Variants in TNNI3K observed in about 807,000 individuals in gnomAD.
The protein encoded by TNNI3K is TNNI3 interacting kinase, also known as serine/threonine-protein kinase TNNI3K.
TNNI3K carries 140 observed loss-of-function variants against 114.5 expected under a neutral mutation model. The ratio of observed to expected loss-of-function variants is 1.22; its 90% CI spans 1.07 to 1.41. The LOEUF is 1.41. TNNI3K is among the 40% of genes most tolerant of loss of function. TNNI3K has a pLI of 0.00. For missense variants in TNNI3K, 1,125 were observed against 1,007.6 expected, an observed-to-expected ratio of 1.12 and a Z score of -1.58; for synonymous variants, 347 against 347.5, an observed-to-expected ratio of 1.00 and a Z score of 0.02.
intron 5 of TNNI3K, among the ~76,000 whole-genome samples, chr1:74,289,061 CAGA>C (rs1657501874): frequency 7.0e-4 from 2 of 2,840 alleles, no homozygotes; most frequent in South Asian, 0.12. Context: ...TGTGGTTAAA[CAGA>C]AAAAAAATAA....
chr1:74,269,682 T>G (rs1441421650), intron 4 of TNNI3K, among the ~76,000 whole-genome samples: 1 of 151,874 alleles, frequency 6.6e-6, no homozygotes, highest in African/African-American at 2.4e-5. Context: ...AGATGACAAG[T>G]CAGCCTGGGA....
intron 4 of TNNI3K, among the ~76,000 whole-genome samples, chr1:74,258,658 C>G (rs938101751): frequency 3.3e-5 from 5 of 152,150 alleles, no homozygotes; most frequent in African/African-American, 1.2e-4. Context: ...TTAACACTTA[C>G]TATTGTCATC....
chr1:74,237,171 C>A (rs1653907016), intron 2 of TNNI3K, among the ~76,000 whole-genome samples: 1 of 151,830 alleles, frequency 6.6e-6, no homozygotes, highest in African/African-American at 2.4e-5. Flanking sequence ...CACAAGTGTT[C>A]AACTTATGGT....
intron 21 of TNNI3K, among the ~76,000 whole-genome samples, chr1:74,465,823 C>T (rs562322592): frequency 8.5e-5 from 13 of 152,298 alleles, no homozygotes; most frequent in Non-Finnish European, 1.6e-4. Context: ...ACACACCAAT[C>T]AGCACCCTGT....
At chr1:74,319,325 CTTG>C (rs1659483215) in intron 5 of TNNI3K, among the ~76,000 whole-genome samples, 1 of 152,186 alleles carries the variant, frequency 6.6e-6, no homozygotes, top group African/African-American at 2.4e-5. Context: ...AAATCATAAT[CTTG>C]TTGTAACCTA....
At chr1:74,531,130 T>C in intron 23 of TNNI3K, among the ~76,000 whole-genome samples, 1 of 152,172 alleles carries the variant, frequency 6.6e-6, no homozygotes, top group Non-Finnish European at 1.5e-5. Flanking sequence ...CATTTGCCAT[T>C]GAAAGAAAAC....
At chr1:74,500,680 T>C (rs1669578666) in intron 23 of TNNI3K, among the ~76,000 whole-genome samples, 1 of 132,178 alleles carries the variant, frequency 7.6e-6, no homozygotes, top group African/African-American at 2.8e-5. Flanking sequence ...CTCACTCTGT[T>C]GGAAGTAAAC....
rs1377499157 is a variant in TNNI3K, at chr1:74,475,176, A to C, written c.2121+11626A>C. On this transcript the variant is annotated intron_variant, in intron 21 of 24. Transcript: ENST00000326637. ...CACACACAGTATTTTTAGAAAAGGA[A>C]TAGACTAGTGCTATAGTGATTTTTA... 71 of 570,634 alleles carry C rather than the reference A, an allele frequency of 1.2e-4. No homozygotes were observed. In the East Asian group the frequency reaches 2.1e-3, roughly 17 times the overall value. 35.3% of individuals were successfully genotyped at this position (570,634 alleles called of 1,614,324 possible). A position where few individuals can be genotyped will look rare whatever the true frequency, so the allele number is the denominator to read the frequency against.
rs545028944 is a variant in TNNI3K at position 74,401,177 on chromosome 1, T to C, written c.1772+30785T>C. 9.8e-5 allele frequency among the ~76,000 whole-genome samples: 15 copies of C among 152,304 alleles called. No individual in the cohort carries two copies. In the South Asian group the frequency reaches 1.5e-3, roughly 15 times the overall value. On this transcript the variant is annotated intron_variant, in intron 17 of 24. Coordinates refer to ENST00000326637, the MANE Select transcript of TNNI3K (RefSeq NM_015978.3). ...AAAAGCTTTCGTAGAAACATAGATA[T>C]CTTCCTATAAATCATTCAAGCCCAT...
At chr1:74,354,275 T>A in intron 11 of TNNI3K, 146 bp downstream of exon 11, 1 of 1,358,350 alleles carries the variant, frequency 7.4e-7, no homozygotes, top group Non-Finnish European at 9.9e-7. Context: ...GGGCCTTGGA[T>A]CAAAGAGTCC....
intron 17 of TNNI3K, among the ~76,000 whole-genome samples, chr1:74,425,388 T>A (rs928679473): frequency 6.6e-6 from 1 of 152,066 alleles, no homozygotes; most frequent in African/African-American, 2.4e-5. Flanking sequence ...AGGGAAAAAT[T>A]AAGGTTTTAA....
intron 5 of TNNI3K, among the ~76,000 whole-genome samples, chr1:74,329,260 CAG>C (rs1443566982): frequency 1.3e-5 from 2 of 152,018 alleles, no homozygotes; most frequent in Non-Finnish European, 2.9e-5. Flanking sequence ...TGGCATGAAA[CAG>C]AGTAGACTTT....
chr1:74,374,938 ATTGT>A (rs1280323787), intron 17 of TNNI3K: 4 of 151,940 alleles, frequency 2.6e-5, no homozygotes, highest in African/African-American at 9.7e-5. Flanking sequence ...TATTTTTCAA[ATTGT>A]TTGACACTGA....
intron 17 of TNNI3K, among the ~76,000 whole-genome samples, chr1:74,407,264 C>T (rs926795790): frequency 1.3e-5 from 2 of 152,132 alleles, no homozygotes; most frequent in East Asian, 3.8e-4. Flanking sequence ...AGAAATAATG[C>T]TATTAACTCA....
In TNNI3K at chr1:74,492,242, G is replaced by A. The variant is rs2100305362; in HGVS notation, c.2327G>A (p.Arg776Lys). 26 of 1,601,892 alleles carry A rather than the reference G, an allele frequency of 1.6e-5. No individual in the cohort carries two copies. Among genetic ancestry groups the A allele is most frequent in the Non-Finnish European group, 2.0e-5 (23 of 1,171,484 alleles). The change falls in exon 23 of 25, where the codon AGG (arginine) becomes AAG (lysine). Residue 776 changes from arginine to lysine, a missense_variant. Transcript: ENST00000326637. ...GAATTGGAATATGCTCTAAATGCAA[G>A]GTCCTATGCTGCTTTGTCCCAAAGG... ...RFELEYALNA[R>K]SYAALSQSAG...
At chr1:74,514,782 G>A (rs1055335205) in intron 23 of TNNI3K, among the ~76,000 whole-genome samples, 1 of 152,062 alleles carries the variant, frequency 6.6e-6, no homozygotes, top group Non-Finnish European at 1.5e-5. Context: ...GGGTATTGTG[G>A]GTTGAATTGT....
chr1:74,311,542 A>G (rs1392970249), intron 5 of TNNI3K, among the ~76,000 whole-genome samples: 2 of 152,222 alleles, frequency 1.3e-5, no homozygotes, highest in African/African-American at 4.8e-5. Context: ...AACATGAAAT[A>G]TGACAAAAAT....
intron 5 of TNNI3K, among the ~76,000 whole-genome samples, chr1:74,324,749 G>C (rs1309036667): frequency 6.6e-6 from 1 of 152,122 alleles, no homozygotes; most frequent in Non-Finnish European, 1.5e-5. Flanking sequence ...GTTCCAATAA[G>C]GATCCAACAG....
At chr1:74,386,479 A>T (rs539319742) in intron 17 of TNNI3K, among the ~76,000 whole-genome samples, 21 of 152,272 alleles carry the variant, frequency 1.4e-4, no homozygotes, top group African/African-American at 4.6e-4. Context: ...CATCTATGGG[A>T]TCTAATGAAA....
Sources: allele counts gnomAD v4.1 joint callset (sites outside exome capture counted in the v4.1 genomes callset), GRCh38; gene constraint gnomAD v4.1.1; transcripts MANE v1.5; gene names NCBI Gene and HGNC (gene_info 2026-07-23, HGNC 2026-07-21).